The following ANXA13 variants were observed in gnomAD, a reference collection of about 807,000 sequenced individuals.
ANXA13 encodes annexin XIII.
ANXA13 carries 36 observed loss-of-function variants against 46.6 expected under a neutral mutation model. The observed-to-expected ratio is 0.77, with a 90% CI of 0.59 to 1.02. The LOEUF is 1.02. Among genes scored for constraint, ANXA13 ranks in the 50% least tolerant of loss-of-function variants. ANXA13 has a pLI of 0.00. For synonymous variants in ANXA13, 163 were observed against 152.9 expected, an observed-to-expected ratio of 1.07 and a Z score of -0.49; for missense variants, 417 against 396.5, an observed-to-expected ratio of 1.05 and a Z score of -0.44.
intron 1 of ANXA13, among the ~76,000 whole-genome samples, chr8:123,736,219 A>T (rs1308986067): frequency 6.6e-6 from 1 of 152,252 alleles, no homozygotes; most frequent in Non-Finnish European, 1.5e-5. Context: ...TAGACAAAGT[A>T]ACAGTTTACA....
chr8:123,729,095 A>T (rs1307277449), intron 1 of ANXA13: 1 of 152,176 alleles, frequency 6.6e-6, no homozygotes, highest in African/African-American at 2.4e-5. Flanking sequence ...AACCTTACTT[A>T]CTATGATTAT....
rs180860783 is a variant in ANXA13, at chr8:123,698,327, G to A, written c.357+62C>T. 3.7e-5 allele frequency: 58 copies of A among 1,567,524 alleles called. No homozygotes were observed. In the East Asian group the frequency reaches 1.1e-3, roughly 31 times the overall value. On this transcript the variant is annotated intron_variant, in intron 4 of 10. Coordinates refer to ENST00000419625, the MANE Select transcript of ANXA13 (RefSeq NM_004306.4). The stretch of plus-strand genomic sequence containing the variant: ...ATGCTGGGAAGTAGGGTCCCTTCTG[G>A]GGGGCTGCAACCATCTCTATTGGGT...
At chr8:123,723,637 A>G (rs905342848) in intron 1 of ANXA13, among the ~76,000 whole-genome samples, 5 of 152,240 alleles carry the variant, frequency 3.3e-5, no homozygotes, top group Non-Finnish European at 7.3e-5. Context: ...GAAATTGGCA[A>G]GCACCACAAA....
intron 3 of ANXA13, among the ~76,000 whole-genome samples, chr8:123,699,935 C>G (rs725895): frequency 0.41 from 62,266 of 152,092 alleles, 13,004 homozygotes; most frequent in South Asian, 0.51. Context: ...CTGAGCATTA[C>G]TGCCTGACAT....
At position 123,726,119 on chromosome 8, in the gene ANXA13, T is replaced by C. The variant is rs143409405; in HGVS notation, c.15+11201A>G. Among the ~76,000 whole-genome samples, 134 of 152,366 alleles carry C rather than the reference T, an allele frequency of 8.8e-4. 1 individual carries two copies. The highest frequency in any genetic ancestry group is 6.8e-3 in the Middle Eastern group (2 of 294). Reference sequence around the variant, plus strand: ...CAGCTCAACATGATTTGCTTGCATATGTTGACTGTATGTTCTGAAAAATGA... The same window carrying C: ...CAGCTCAACATGATTTGCTTGCATACGTTGACTGTATGTTCTGAAAAATGA... On this transcript the variant is annotated intron_variant, in intron 1 of 10. Coordinates refer to ENST00000419625, the MANE Select transcript of ANXA13 (RefSeq NM_004306.4).
At chr8:123,727,550 A>G (rs1455199063) in intron 1 of ANXA13, 2 of 152,024 alleles carry the variant, frequency 1.3e-5, no homozygotes, top group African/African-American at 4.8e-5. Context: ...AGTTGGCACG[A>G]GTAGGGGAGT....
chr8:123,714,624 G>A (rs1433694288), intron 1 of ANXA13, among the ~76,000 whole-genome samples: 1 of 152,196 alleles, frequency 6.6e-6, no homozygotes, highest in Non-Finnish European at 1.5e-5. Context: ...GTGGGCTGAA[G>A]GTGAGTTGGC....
chr8:123,681,484 G>A, intron 10 of ANXA13, 125 bp from the exon 11 acceptor site: 2 of 885,284 alleles, frequency 2.3e-6, no homozygotes, highest in Non-Finnish European at 3.4e-6. Context: ...TTGAGATAGG[G>A]CTTTATTTCC....
At chr8:123,715,735 G>C (rs1029919074) in intron 1 of ANXA13, among the ~76,000 whole-genome samples, 1 of 152,204 alleles carries the variant, frequency 6.6e-6, no homozygotes, top group African/African-American at 2.4e-5. Flanking sequence ...AGCTGTGAGG[G>C]CTTGCAGAGA....
In ANXA13 at chr8:123,693,181, A is replaced by G. The variant is rs775434975; in HGVS notation, c.642+16T>C. The G allele has an allele frequency of 2.5e-5, 40 of 1,610,572 alleles. No individual in the cohort carries two copies. Among genetic ancestry groups the G allele is most frequent in the Middle Eastern group, 3.3e-4 (2 of 6,076 alleles). ...TTTCAGAGTGAACTCTTTTGCCCCA[A>G]TACTTTATGACTTACAATTTGATAG... On this transcript the variant is annotated intron_variant, in intron 8 of 10. Transcript: ENST00000419625.
rs563722786 is a variant in ANXA13, at chr8:123,690,142, G to T, written c.643-1196C>A. Among the ~76,000 whole-genome samples, 71 of 152,162 alleles carry T rather than the reference G, an allele frequency of 4.7e-4. No homozygotes were observed. Among genetic ancestry groups the T allele is most frequent in the African/African-American group, 1.4e-3 (59 of 41,508 alleles). On this transcript the variant is annotated intron_variant, in intron 8 of 10. Coordinates refer to ENST00000419625, the MANE Select transcript of ANXA13 (RefSeq NM_004306.4). The surrounding 1 kb of genome is among the most constrained non-coding windows in gnomAD (Gnocchi z 4.6). ...GGGAGTCATTATTTTGGAAGGGATT[G>T]GTATCCCTTTCCCAGAAACAAGGTT...
intron 9 of ANXA13, 67 bp from the exon 10 acceptor site, chr8:123,684,789 CT>C (rs1813109573): frequency 1.7e-6 from 2 of 1,173,088 alleles, no homozygotes; most frequent in Middle Eastern, 2.0e-4. Flanking sequence ...TGGGACCCCC[CT>C]AAATGTCACC....
chr8:123,728,695 C>A (rs984029222), intron 1 of ANXA13: 13 of 152,112 alleles, frequency 8.5e-5, no homozygotes, highest in Admixed American at 2.0e-4. Flanking sequence ...GAAAAGGAAA[C>A]AAGGTAAAAT....
intron 10 of ANXA13, among the ~76,000 whole-genome samples, chr8:123,682,647 G>A (rs1813060479): frequency 6.6e-6 from 1 of 152,012 alleles, no homozygotes; most frequent in African/African-American, 2.4e-5. Context: ...GGTGGTGTCT[G>A]TCTCTCCCCC....
intron 3 of ANXA13, among the ~76,000 whole-genome samples, chr8:123,700,457 T>C (rs1813422896): frequency 6.6e-6 from 1 of 152,224 alleles, no homozygotes. Flanking sequence ...GATTGGATCA[T>C]ACCTAACATC....
intron 1 of ANXA13, chr8:123,735,993 T>C: frequency 5.2e-6 from 6 of 1,150,848 alleles, no homozygotes; most frequent in South Asian, 2.4e-5. Flanking sequence ...GCAGGGTCCA[T>C]TGATTATTCC....
At chr8:123,732,988 C>T (rs930843089) in intron 1 of ANXA13, among the ~76,000 whole-genome samples, 3 of 152,000 alleles carry the variant, frequency 2.0e-5, no homozygotes, top group Non-Finnish European at 4.4e-5. Context: ...GCCTGGGCAA[C>T]ATAGGATGAC....
Position 123,716,023 on chromosome 8 carries a change from A to C in ANXA13, c.16-3270T>G, listed in dbSNP as rs574589200. On this transcript the variant is annotated intron_variant, in intron 1 of 10. Transcript: ENST00000419625. ...TCTGATATCTGGGAGGTGCAGCAGG[A>C]GAGTGTTGAGTCATGTGCTATGAAT... is the stretch of plus-strand genomic sequence containing the variant. Among the ~76,000 whole-genome samples the C allele has an allele frequency of 3.3e-5, 5 of 152,286 alleles. No homozygotes were observed. The South Asian group carries it at 1.0e-3, about 32-fold the overall frequency.
chr8:123,731,605 C>G (rs917074826), intron 1 of ANXA13, among the ~76,000 whole-genome samples: 5 of 152,078 alleles, frequency 3.3e-5, no homozygotes, highest in Non-Finnish European at 5.9e-5. Flanking sequence ...CACAGTGGCT[C>G]GCACCTGTAA....
Sources: allele counts gnomAD v4.1 joint callset (sites outside exome capture counted in the v4.1 genomes callset), GRCh38; gene constraint gnomAD v4.1.1; non-coding constraint Gnocchi (gnomAD v3.1); transcripts MANE v1.5; gene names NCBI Gene and HGNC (gene_info 2026-07-23, HGNC 2026-07-21).